Variants in ANKRD18A observed in about 807,000 individuals in gnomAD.
ANKRD18A encodes the protein ankyrin repeat domain-containing protein 18A.
ANKRD18A carries 72 observed loss-of-function variants against 110.6 expected under a neutral mutation model. The ratio of observed to expected loss-of-function variants is 0.65; its 90% CI spans 0.54 to 0.79. The LOEUF is 0.79. ANKRD18A is among the 30% of genes least tolerant of loss of function. The pLI is 0.00. For missense variants in ANKRD18A, 934 were observed against 1,163.3 expected, an observed-to-expected ratio of 0.80 and a Z score of 2.87; for synonymous variants, 305 against 410.3, an observed-to-expected ratio of 0.74 and a Z score of 3.10.
downstream of ANKRD18A, chr9:38,567,219 C>T (rs187362345): frequency 3.3e-5 from 5 of 152,308 alleles, no homozygotes; most frequent in East Asian, 9.6e-4. Context: ...TCTATTCTAT[C>T]GCCATATTAA....
At chr9:38,597,092 G>A (rs1442314659) in intron 8 of ANKRD18A, among the ~76,000 whole-genome samples, 1 of 152,018 alleles carries the variant, frequency 6.6e-6, no homozygotes, top group African/African-American at 2.4e-5. Context: ...TTACCTCTGT[G>A]GTATAAATAT....
intron 13 of ANKRD18A, 49 bp downstream of exon 13, chr9:38,577,818 A>G: frequency 6.6e-7 from 1 of 1,526,216 alleles, no homozygotes; most frequent in South Asian, 1.3e-5. Context: ...TTGCAGTGAA[A>G]TAAATGAAAG....
intron 3 of ANKRD18A, among the ~76,000 whole-genome samples, chr9:38,615,251 T>C (rs1825801951): frequency 6.6e-6 from 1 of 152,218 alleles, no homozygotes; most frequent in Non-Finnish European, 1.5e-5. Flanking sequence ...TATTGTAAGT[T>C]GCTTTAGTTT....
intron 12 of ANKRD18A, 31 bp downstream of exon 12, chr9:38,586,152 T>C: frequency 6.4e-7 from 1 of 1,554,900 alleles, no homozygotes; most frequent in Non-Finnish European, 8.7e-7. Flanking sequence ...AATCTAGACC[T>C]TAAGATAAAA....
intron 10 of ANKRD18A, among the ~76,000 whole-genome samples, chr9:38,590,259 T>C (rs898651475): frequency 6.6e-6 from 1 of 151,684 alleles, no homozygotes; most frequent in Non-Finnish European, 1.5e-5. Flanking sequence ...TTTTTCTTTT[T>C]CTTATTTATT....
chr9:38,607,121 A>G (rs1825395498), intron 6 of ANKRD18A, among the ~76,000 whole-genome samples: 1 of 152,094 alleles, frequency 6.6e-6, no homozygotes, highest in Admixed American at 6.5e-5. Flanking sequence ...CAGTGGTGCA[A>G]TCTCGGCTCA....
intron 15 of ANKRD18A, among the ~76,000 whole-genome samples, chr9:38,573,973 T>G (rs1008573602): frequency 3.3e-5 from 5 of 152,144 alleles, no homozygotes; most frequent in African/African-American, 9.7e-5. Flanking sequence ...TATTGAGGAA[T>G]GCTAAGGTTT....
At chr9:38,568,434 C>T (rs1042123486), downstream of ANKRD18A, 1 of 152,036 alleles carries the variant, frequency 6.6e-6, no homozygotes, top group Non-Finnish European at 1.5e-5. Flanking sequence ...AGCCACCAAC[C>T]TCACTCGCTG....
At chr9:38,582,905 A>G (rs1175420895) in intron 12 of ANKRD18A, among the ~76,000 whole-genome samples, 1 of 152,218 alleles carries the variant, frequency 6.6e-6, no homozygotes, top group African/African-American at 2.4e-5. Flanking sequence ...AAAGTATTTG[A>G]AAAGTGTATA....
intron 15 of ANKRD18A, among the ~76,000 whole-genome samples, chr9:38,574,053 C>G (rs1823774773): frequency 6.6e-6 from 1 of 152,156 alleles, no homozygotes; most frequent in South Asian, 2.1e-4. Flanking sequence ...AACCCTGGCC[C>G]ACTCTGTCCC....
chr9:38,582,142 T>G (rs1275508756), intron 12 of ANKRD18A, among the ~76,000 whole-genome samples: 2 of 152,016 alleles, frequency 1.3e-5, no homozygotes, highest in African/African-American at 4.8e-5. Flanking sequence ...TAAACATCTA[T>G]GGATGATTCT....
chr9:38,613,161 T>C (rs1240710622), intron 3 of ANKRD18A, among the ~76,000 whole-genome samples: 3 of 151,922 alleles, frequency 2.0e-5, no homozygotes, highest in Non-Finnish European at 4.4e-5. Context: ...AGTGAAGTAC[T>C]CAGGTGGGCA....
intron 10 of ANKRD18A, among the ~76,000 whole-genome samples, chr9:38,590,023 A>G (rs1351979483): frequency 6.6e-6 from 1 of 152,118 alleles, no homozygotes; most frequent in Non-Finnish European, 1.5e-5. Flanking sequence ...GTAGATAGTG[A>G]ATCTTGTCTA....
rs1184599191 is a variant in ANKRD18A at position 38,612,509 on chromosome 9, T to TTTTTTC, written c.496-1194_496-1189dup. On this transcript the variant is annotated intron_variant, in intron 3 of 15. Coordinates refer to ENST00000399703, the MANE Select transcript of ANKRD18A (RefSeq NM_147195.4). ...ATAAGAGCCAATAAGTCACTTGCAT[T>TTTTTTC]TTTTTCTTTTTCTTTTTTTTTTTTT... Among the ~76,000 whole-genome samples the TTTTTTC allele has an allele frequency of 1.9e-4, 25 of 129,344 alleles. 1 individual carries two copies. The highest frequency in any genetic ancestry group is 6.2e-4 in the Admixed American group (8 of 12,984). The allele number at this position is 129,344 out of a possible 152,430, so 84.9% of individuals were successfully genotyped here.
chr9:38,580,072 A>G (rs894590044), intron 12 of ANKRD18A, among the ~76,000 whole-genome samples: 7 of 152,214 alleles, frequency 4.6e-5, no homozygotes, highest in Non-Finnish European at 7.3e-5. Flanking sequence ...ACACAGAAAG[A>G]TAAATACTGC....
chr9:38,593,970 T>A, intron 9 of ANKRD18A, 61 bp from the exon 10 acceptor site: 1 of 1,395,812 alleles, frequency 7.2e-7, no homozygotes. Flanking sequence ...TATGTTAATA[T>A]TTAAGTCTAG....
Position 38,593,893 on chromosome 9 carries a change from A to G in ANKRD18A, c.1871T>C (p.Phe624Ser). 6.7e-7 allele frequency: 1 copy of G among 1,487,680 alleles called. No individual in the cohort carries two copies. The highest frequency in any genetic ancestry group is 8.9e-7 in the Non-Finnish European group (1 of 1,120,898). The allele number at this position is 1,487,680 out of a possible 1,614,324, so 92.2% of individuals were successfully genotyped here. A position where few individuals can be genotyped will look rare whatever the true frequency, so the allele number is the denominator to read the frequency against. The change falls in exon 10 of 16, where the codon TTT (phenylalanine) becomes TCT (serine). Residue 624 changes from phenylalanine to serine, a missense_variant. Physicochemically the swap from Phe to Ser is radical, Grantham distance 155. This residue lies in a region of ANKRD18A where 630 missense variants were observed against 797.5 expected (regional missense o/e 0.79). Transcript: ENST00000399703. ...KAEREVIVRE[F>S]QEELVDHLKT... Reference sequence around the variant, plus strand: ...AAGGTGATCGACCAGTTCTTCTTGAAATTCTCTCACAATCACCTGACAAAA... The same window carrying G: ...AAGGTGATCGACCAGTTCTTCTTGAGATTCTCTCACAATCACCTGACAAAA...
At chr9:38,602,965 C>T (rs1825187239) in intron 7 of ANKRD18A, among the ~76,000 whole-genome samples, 194 bp downstream of exon 7, 1 of 152,216 alleles carries the variant, frequency 6.6e-6, no homozygotes, top group African/African-American at 2.4e-5. Context: ...CCGTCCCCAG[C>T]AACACCAATA....
chr9:38,589,814 G>A (rs1355152159), intron 10 of ANKRD18A, among the ~76,000 whole-genome samples: 2 of 152,164 alleles, frequency 1.3e-5, no homozygotes, highest in Admixed American at 1.3e-4. Context: ...TTACAGGCGT[G>A]AGCCACCATG....
Sources: allele counts gnomAD v4.1 joint callset (sites outside exome capture counted in the v4.1 genomes callset), GRCh38; gene constraint gnomAD v4.1.1; regional missense constraint gnomAD v4.1.1; transcripts MANE v1.5; gene names NCBI Gene and HGNC (gene_info 2026-07-23, HGNC 2026-07-21).